Variants in CDH13 observed in about 807,000 individuals in gnomAD.
CDH13 encodes cadherin-13.
Under a neutral mutation model 63.8 loss-of-function variants are expected in CDH13, and 24 were observed. The observed-to-expected ratio is 0.38, with a 90% CI of 0.27 to 0.53. The LOEUF (loss-of-function observed/expected upper bound fraction) is 0.53. CDH13 is among the 20% of genes least tolerant of loss of function. The pLI, the probability that CDH13 is intolerant of heterozygous loss-of-function variation, is 0.85. For synonymous variants in CDH13, 503 were observed against 355.3 expected, an observed-to-expected ratio of 1.42 and a Z score of -4.67; for missense variants, 1,049 against 903.1, an observed-to-expected ratio of 1.16 and a Z score of -2.07.
At chr16:82,960,369 G>A (rs1054795301) in intron 2 of CDH13, among the ~76,000 whole-genome samples, 1 of 152,178 alleles carries the variant, frequency 6.6e-6, no homozygotes, top group Admixed American at 6.5e-5. Flanking sequence ...TCTTGATAAT[G>A]GGAGGACAGG....
intron 4 of CDH13, chr16:83,180,863 C>A: frequency 6.7e-7 from 1 of 1,493,248 alleles, no homozygotes; most frequent in Non-Finnish European, 8.9e-7. Context: ...TTTTTTTTTT[C>A]TTACAGAGAA....
rs143463764 is a variant in CDH13 at position 82,848,137 on chromosome 16, C to T, written c.46-10225C>T. Among the ~76,000 whole-genome samples, 888 of 152,264 alleles carry T rather than the reference C, an allele frequency of 5.8e-3. 3 individuals carry two copies. Among genetic ancestry groups the T allele is most frequent in the Non-Finnish European group, 9.8e-3 (667 of 68,026 alleles). Reference sequence around the variant, plus strand: ...TTATGTATTGCTCTTTGAGAAAGTTCATTGACACTAGTAAGGTTCTGGGAA... The same window carrying T: ...TTATGTATTGCTCTTTGAGAAAGTTTATTGACACTAGTAAGGTTCTGGGAA... On this transcript the variant is annotated intron_variant, in intron 1 of 13. Transcript: ENST00000567109.
chr16:83,301,526 A>T (rs1487706725), intron 5 of CDH13, among the ~76,000 whole-genome samples: 1 of 152,040 alleles, frequency 6.6e-6, no homozygotes, highest in East Asian at 1.9e-4. Context: ...TTACAGAGGA[A>T]GGGTCTCGTG....
chr16:83,542,472 A>G (rs1320128378), intron 7 of CDH13, among the ~76,000 whole-genome samples: 2 of 152,258 alleles, frequency 1.3e-5, no homozygotes, highest in Middle Eastern at 6.8e-3. Context: ...AATAACGTGC[A>G]TTTCTCCCAA....
rs1283507390 is a variant in CDH13, at chr16:82,676,545, C to G, written c.45+49408C>G. ...AATCTGGCCCCCCAGATGGTCATAC[C>G]ACAATCACTCTTACCTTCTTCCAAT... is the stretch of plus-strand genomic sequence containing the variant. On this transcript the variant is annotated intron_variant, in intron 1 of 13. Coordinates refer to ENST00000567109, the MANE Select transcript of CDH13 (RefSeq NM_001257.5). Among the ~76,000 whole-genome samples, 3 of 145,516 alleles carry G rather than the reference C, an allele frequency of 2.1e-5. No individual in the cohort carries two copies. In the East Asian group the frequency reaches 6.3e-4, roughly 31 times the overall value.
At position 82,804,319 on chromosome 16, in the gene CDH13, A is replaced by G. The variant is rs192242297; in HGVS notation, c.46-54043A>G. On this transcript the variant is annotated intron_variant, in intron 1 of 13. Transcript: ENST00000567109. ...CACACACACACACACACACGCACAC[A>G]CATACAAATACAAAGAAATACAATG... Among the ~76,000 whole-genome samples the G allele has an allele frequency of 3.2e-3, 493 of 151,916 alleles. 2 individuals are homozygous for G. The highest frequency in any genetic ancestry group is 0.01 in the Middle Eastern group (3 of 294).
chr16:83,368,874 G>A (rs1413548825), intron 6 of CDH13, among the ~76,000 whole-genome samples: 1 of 80,942 alleles, frequency 1.2e-5, no homozygotes, highest in Non-Finnish European at 2.3e-5. Flanking sequence ...CTGAGTAGTA[G>A]TATTCCATGT....
chr16:83,043,809 G>A (rs960340753), intron 3 of CDH13, among the ~76,000 whole-genome samples: 8 of 150,508 alleles, frequency 5.3e-5, no homozygotes, highest in African/African-American at 2.0e-4. Flanking sequence ...TCTGGGCAAC[G>A]GAGCAAGTGT....
At chr16:83,348,736 A>G (rs1310194445) in intron 6 of CDH13, among the ~76,000 whole-genome samples, 1 of 152,190 alleles carries the variant, frequency 6.6e-6, no homozygotes, top group East Asian at 1.9e-4. Flanking sequence ...ACCTTCTAGG[A>G]CCCTCTGCAA....
At chr16:82,974,511 A>G (rs369228105) in intron 2 of CDH13, among the ~76,000 whole-genome samples, 1 of 151,884 alleles carries the variant, frequency 6.6e-6, no homozygotes, top group Non-Finnish European at 1.5e-5. Context: ...TAATGACCCC[A>G]ATGATATCCA....
chr16:83,657,512 C>G (rs1223609560), intron 8 of CDH13, among the ~76,000 whole-genome samples: 1 of 152,186 alleles, frequency 6.6e-6, no homozygotes, highest in Admixed American at 6.5e-5. Flanking sequence ...GGATGACAGC[C>G]AACCAGTAGC....
At chr16:83,535,723 G>A (rs1307039155) in intron 7 of CDH13, among the ~76,000 whole-genome samples, 3 of 151,772 alleles carry the variant, frequency 2.0e-5, no homozygotes, top group African/African-American at 4.8e-5. Context: ...CATTTTTTTT[G>A]GAGTGTCATG....
At chr16:82,966,699 A>C (rs1907888301) in intron 2 of CDH13, among the ~76,000 whole-genome samples, 1 of 152,182 alleles carries the variant, frequency 6.6e-6, no homozygotes, top group African/African-American at 2.4e-5. Context: ...TTTTTAGTTC[A>C]AATTTTTCAA....
chr16:82,717,985 G>T (rs769643357), intron 1 of CDH13, among the ~76,000 whole-genome samples: 2 of 152,204 alleles, frequency 1.3e-5, no homozygotes, highest in Non-Finnish European at 2.9e-5. Context: ...GACCCATTCT[G>T]TGTGTGCAGG....
At chr16:83,537,129 C>T (rs528609662) in intron 7 of CDH13, among the ~76,000 whole-genome samples, 1 of 152,298 alleles carries the variant, frequency 6.6e-6, no homozygotes, top group Admixed American at 6.5e-5. Flanking sequence ...AATTGAAATA[C>T]ATAGAAACCA....
intron 8 of CDH13, among the ~76,000 whole-genome samples, chr16:83,608,242 C>A (rs1192318458): frequency 1.3e-5 from 2 of 152,098 alleles, no homozygotes; most frequent in Non-Finnish European, 2.9e-5. Flanking sequence ...CGACATAAAA[C>A]TTATAAGATC....
chr16:83,245,678 A>G (rs145181750), intron 5 of CDH13, among the ~76,000 whole-genome samples: 19 of 152,324 alleles, frequency 1.2e-4, no homozygotes, highest in Non-Finnish European at 8.8e-5. Flanking sequence ...AAGCTTTGAA[A>G]AGTAATTTAA....
intron 10 of CDH13, among the ~76,000 whole-genome samples, chr16:83,708,513 G>A (rs572144568): frequency 5.3e-5 from 8 of 152,228 alleles, no homozygotes; most frequent in African/African-American, 1.9e-4. Context: ...TCTATCATGA[G>A]TGTCCTCTTC....
intron 1 of CDH13, among the ~76,000 whole-genome samples, chr16:82,634,279 T>C (rs1390210091): frequency 6.6e-6 from 1 of 152,238 alleles, no homozygotes; most frequent in African/African-American, 2.4e-5. Flanking sequence ...CCAATGTCTC[T>C]TTCCCTCAAG....
Sources: gnomAD v4.1 joint callset for allele counts (sites outside exome capture counted in the v4.1 genomes callset) on GRCh38, gnomAD v4.1.1 for gene constraint, MANE v1.5 for transcripts, NCBI Gene and HGNC (gene_info 2026-07-23, HGNC 2026-07-21) for gene names.